Variants in BACE2 observed in about 807,000 individuals in gnomAD.
The protein encoded by BACE2 is 56 kDa aspartic-like protease.
Under a neutral mutation model 46.2 loss-of-function variants are expected in BACE2, and 17 were observed. The observed-to-expected ratio is 0.37, with a 90% CI of 0.25 to 0.55. BACE2 has a LOEUF of 0.55. BACE2 is among the 20% of genes least tolerant of loss of function. The pLI, the probability that BACE2 is intolerant of heterozygous loss-of-function variation, is 0.82. For missense variants in BACE2, 595 were observed against 698.1 expected, an observed-to-expected ratio of 0.85 and a Z score of 1.66; for synonymous variants, 277 against 295.9, an observed-to-expected ratio of 0.94 and a Z score of 0.66.
At chr21:41,256,295 G>A (rs569258641) in intron 7 of BACE2, among the ~76,000 whole-genome samples, 1 of 152,230 alleles carries the variant, frequency 6.6e-6, no homozygotes, top group South Asian at 2.1e-4. Flanking sequence ...GTATGTCCAT[G>A]TGTTCTTATT....
intron 8 of BACE2, among the ~76,000 whole-genome samples, chr21:41,268,939 T>C (rs1315828027): frequency 6.6e-6 from 1 of 152,072 alleles, no homozygotes; most frequent in Non-Finnish European, 1.5e-5. Flanking sequence ...TTTTTTCTTT[T>C]TTCTTCTCTT....
At position 41,182,892 on chromosome 21, in the gene BACE2, T is replaced by A. The variant is rs150346322; in HGVS notation, c.312+14317T>A. 154 of 166,972 alleles carry A rather than the reference T, an allele frequency of 9.2e-4. 2 individuals carry two copies. Among genetic ancestry groups the A allele is most frequent in the Middle Eastern group, 3.4e-3 (1 of 296 alleles). 10.3% of individuals were successfully genotyped at this position (166,972 alleles called of 1,614,324 possible). The stretch of plus-strand genomic sequence containing the variant: ...AACAAACAAAAAATACATTTTCTAT[T>A]CATAATATTCTTTACATCTCTCTTT... On this transcript the variant is annotated intron_variant, in intron 1 of 8. Coordinates refer to ENST00000330333, the MANE Select transcript of BACE2 (RefSeq NM_012105.5).
At chr21:41,244,202 G>C (rs879525143) in intron 5 of BACE2, among the ~76,000 whole-genome samples, 1 of 152,200 alleles carries the variant, frequency 6.6e-6, no homozygotes, top group Non-Finnish European at 1.5e-5. Flanking sequence ...TAACCTGTTA[G>C]CACTTCTGTT....
chr21:41,249,118 CAT>C, intron 6 of BACE2, among the ~76,000 whole-genome samples: 1 of 151,966 alleles, frequency 6.6e-6, no homozygotes, highest in African/African-American at 2.4e-5. Context: ...GACTAGTGGG[CAT>C]GTACACTTGG....
intron 1 of BACE2, among the ~76,000 whole-genome samples, chr21:41,175,052 G>A (rs1252370096): frequency 6.6e-6 from 1 of 152,002 alleles, no homozygotes; most frequent in Admixed American, 6.5e-5. Flanking sequence ...TGGCCTAGAT[G>A]TACTAATTTG....
intron 1 of BACE2, among the ~76,000 whole-genome samples, chr21:41,221,551 C>T (rs540417027): frequency 9.9e-5 from 15 of 152,112 alleles, no homozygotes; most frequent in African/African-American, 2.9e-4. Flanking sequence ...GTCGGCCGGG[C>T]GCGGTGGCTC....
intron 1 of BACE2, among the ~76,000 whole-genome samples, chr21:41,211,639 G>C (rs1258741253): frequency 6.6e-6 from 1 of 152,252 alleles, no homozygotes; most frequent in Non-Finnish European, 1.5e-5. Flanking sequence ...GCTGCTGTGG[G>C]TTCGGCTTGC....
At position 41,281,977 on chromosome 21, in the gene BACE2, A is replaced by G. The variant is rs893600025; in HGVS notation, c.*6353A>G. The G allele has an allele frequency of 8.5e-5, 13 of 152,172 alleles. No homozygotes were observed. The highest frequency in any genetic ancestry group is 3.1e-4 in the African/African-American group (13 of 41,446). 9.4% of individuals were successfully genotyped at this position (152,172 alleles called of 1,614,324 possible). ...AATCTAAAATGATGTATTTTCTACT[A>G]TTGCTGTTAATTTGCATTGTTAAAA... is the stretch of plus-strand genomic sequence containing the variant. On this transcript the variant is annotated 3_prime_UTR_variant, in exon 9 of 9. Coordinates refer to ENST00000330333, the MANE Select transcript of BACE2 (RefSeq NM_012105.5).
intron 1 of BACE2, chr21:41,179,525 AG>A: frequency 2.2e-6 from 3 of 1,355,954 alleles, no homozygotes; most frequent in Non-Finnish European, 2.9e-6. Context: ...GAGGGTGTCC[AG>A]GGTGAGGAGT....
chr21:41,185,356 A>G (rs1985332535), intron 1 of BACE2: 1 of 152,236 alleles, frequency 6.6e-6, no homozygotes, highest in Non-Finnish European at 1.5e-5. Context: ...GGGAGACCTC[A>G]GAGGCTCTGA....
intron 6 of BACE2, among the ~76,000 whole-genome samples, chr21:41,247,681 A>G (rs1318578245): frequency 1.3e-5 from 2 of 152,124 alleles, no homozygotes; most frequent in Non-Finnish European, 2.9e-5. Flanking sequence ...GGGCGCTCGC[A>G]CTCCCGAGCT....
intron 8 of BACE2, among the ~76,000 whole-genome samples, chr21:41,265,954 C>G (rs1000008001): frequency 6.6e-6 from 1 of 152,168 alleles, no homozygotes; most frequent in Non-Finnish European, 1.5e-5. Context: ...CTTCTTTCCT[C>G]TAGGATAACT....
chr21:41,231,049 A>G (rs1490703695), intron 2 of BACE2, among the ~76,000 whole-genome samples: 1 of 152,164 alleles, frequency 6.6e-6, no homozygotes, highest in Non-Finnish European at 1.5e-5. Flanking sequence ...AGACCAATTT[A>G]TTTTCCTCAA....
intron 2 of BACE2, among the ~76,000 whole-genome samples, chr21:41,234,012 AC>A (rs1315796782): frequency 6.6e-6 from 1 of 152,112 alleles, no homozygotes; most frequent in Non-Finnish European, 1.5e-5. Flanking sequence ...TTTGGCTGTG[AC>A]CCCACTCAAA....
At chr21:41,240,621 A>C (rs1195444817) in intron 3 of BACE2, among the ~76,000 whole-genome samples, 1 of 152,178 alleles carries the variant, frequency 6.6e-6, no homozygotes, top group East Asian at 1.9e-4. Context: ...GCCTCTCAAG[A>C]AGGTGGGTAG....
intron 1 of BACE2, among the ~76,000 whole-genome samples, chr21:41,216,970 C>T (rs1986488045): frequency 6.6e-6 from 1 of 152,152 alleles, no homozygotes; most frequent in African/African-American, 2.4e-5. Context: ...CTCGCTCTGT[C>T]ACCCAGGCTG....
At chr21:41,274,366 T>C (rs2088463123) in intron 8 of BACE2, among the ~76,000 whole-genome samples, 1 of 152,134 alleles carries the variant, frequency 6.6e-6, no homozygotes, top group African/African-American at 2.4e-5. Context: ...CTTTCCTCAG[T>C]CAAAAAGGGT....
intron 7 of BACE2, among the ~76,000 whole-genome samples, chr21:41,256,888 G>C (rs564821837): frequency 6.6e-6 from 1 of 152,202 alleles, no homozygotes; most frequent in African/African-American, 2.4e-5. Flanking sequence ...TCAGCAAACA[G>C]TTGGACAGAC....
At chr21:41,248,542 A>G (rs999315402) in intron 6 of BACE2, among the ~76,000 whole-genome samples, 7 of 152,326 alleles carry the variant, frequency 4.6e-5, no homozygotes, top group African/African-American at 1.7e-4. Context: ...TCTTCTGAGC[A>G]TGTCTGAGAA....
Sources: allele counts gnomAD v4.1 joint callset (sites outside exome capture counted in the v4.1 genomes callset), GRCh38; gene constraint gnomAD v4.1.1; transcripts MANE v1.5; gene names NCBI Gene and HGNC (gene_info 2026-07-23, HGNC 2026-07-21).